ZFHX3: variants seen among roughly 807,000 people sequenced by gnomAD.
ZFHX3 encodes zinc finger homeobox 3.
In ZFHX3, 42 loss-of-function variants were observed where a neutral mutation model predicts 279.1. The observed-to-expected ratio is 0.15, with a 90% confidence interval of 0.12 to 0.19. The LOEUF (loss-of-function observed/expected upper bound fraction) is 0.19. Among genes scored for constraint, ZFHX3 ranks in the 10% least tolerant of loss-of-function variants. The pLI, the probability that ZFHX3 is intolerant of heterozygous loss-of-function variation, is 1.00. For missense variants in ZFHX3, 4,981 were observed against 4,754.0 expected (o/e 1.05, Z -1.40); for synonymous variants, 2,293 against 1,957.8 (o/e 1.17, Z -4.52).
chr16:73,130,796 CA>C (rs1191534140), intron 7 of ZFHX3, among the ~76,000 whole-genome samples: 9 of 152,182 alleles, frequency 5.9e-5, no homozygotes, highest in Middle Eastern at 3.2e-3. Flanking sequence ...TTAGTAGAGA[CA>C]GGGTTTCGCC....
chr16:73,043,477 A>G (rs1965187068), intron 1 of ZFHX3, among the ~76,000 whole-genome samples: 1 of 152,240 alleles, frequency 6.6e-6, no homozygotes, highest in Non-Finnish European at 1.5e-5. Flanking sequence ...TTCTTGTAAA[A>G]GCAAGAAACT....
chr16:73,248,005 G>A (rs111170005), intron 5 of ZFHX3, among the ~76,000 whole-genome samples: 8 of 151,342 alleles, frequency 5.3e-5, no homozygotes, highest in African/African-American at 1.9e-4. Context: ...ATGAGTGTGT[G>A]TATACTATGT....
At chr16:73,473,134 A>T (rs991165749) in intron 2 of ZFHX3, among the ~76,000 whole-genome samples, 23 of 151,696 alleles carry the variant, frequency 1.5e-4, no homozygotes, top group African/African-American at 5.3e-4. Flanking sequence ...TGGGCTTAGG[A>T]TCTCAAGACC....
chr16:73,515,564 G>GAGAA (rs796142792), intron 2 of ZFHX3, among the ~76,000 whole-genome samples: 1 of 151,424 alleles, frequency 6.6e-6, no homozygotes, highest in Non-Finnish European at 1.5e-5. Flanking sequence ...GAGAAAGAGA[G>GAGAA]AGAAAGAAAG....
chr16:72,987,154 C>T (rs1156661745), intron 1 of ZFHX3, among the ~76,000 whole-genome samples: 1 of 152,158 alleles, frequency 6.6e-6, no homozygotes, highest in Non-Finnish European at 1.5e-5. Flanking sequence ...AAGTGAGATC[C>T]TGTCTCAACA....
chr16:73,416,378 A>C (rs77912083), intron 3 of ZFHX3, among the ~76,000 whole-genome samples: 1 of 152,172 alleles, frequency 6.6e-6, no homozygotes, highest in African/African-American at 2.4e-5. Context: ...TGTTGTAGAC[A>C]GTCAGCCCAA....
intron 4 of ZFHX3, among the ~76,000 whole-genome samples, chr16:72,839,512 C>A (rs778059175): frequency 6.6e-6 from 1 of 151,968 alleles, no homozygotes; most frequent in Admixed American, 6.5e-5. Context: ...TCCCCCATCT[C>A]GTTAAAAACA....
intron 2 of ZFHX3, among the ~76,000 whole-genome samples, chr16:73,590,911 G>T (rs1164463138): frequency 6.6e-6 from 1 of 150,530 alleles, no homozygotes; most frequent in African/African-American, 2.4e-5. Context: ...TAATTTTTGG[G>T]AAAAAAAAAT....
At chr16:73,163,310 C>A (rs182597714) in intron 5 of ZFHX3, among the ~76,000 whole-genome samples, 2 of 152,172 alleles carry the variant, frequency 1.3e-5, no homozygotes, top group South Asian at 4.1e-4. Context: ...TTCTGACAGT[C>A]TAATCAGGTA....
intron 2 of ZFHX3, among the ~76,000 whole-genome samples, chr16:73,582,519 G>T (rs1272483963): frequency 6.6e-6 from 1 of 151,846 alleles, no homozygotes. Context: ...TTGTCACCCA[G>T]GCTGGAGTGC....
intron 3 of ZFHX3, among the ~76,000 whole-genome samples, chr16:73,439,504 A>G (rs1320415914): frequency 6.6e-6 from 1 of 152,112 alleles, no homozygotes; most frequent in Non-Finnish European, 1.5e-5. Flanking sequence ...AATGCATACT[A>G]TGCATGAGGG....
chr16:73,543,190 C>T (rs1301007563), intron 2 of ZFHX3, among the ~76,000 whole-genome samples: 4 of 152,196 alleles, frequency 2.6e-5, no homozygotes, highest in African/African-American at 9.7e-5. Flanking sequence ...GAATATTTCT[C>T]ATCATAACTG....
At chr16:73,147,179 G>T (rs1966867518) in intron 5 of ZFHX3, among the ~76,000 whole-genome samples, 1 of 152,138 alleles carries the variant, frequency 6.6e-6, no homozygotes, top group South Asian at 2.1e-4. Context: ...ATGACTCGAG[G>T]TACTACTTCT....
intron 2 of ZFHX3, among the ~76,000 whole-genome samples, chr16:73,607,309 G>A (rs1384931597): frequency 2.6e-5 from 4 of 152,190 alleles, no homozygotes; most frequent in African/African-American, 9.7e-5. Context: ...TTACAGGCGT[G>A]AGCCACCATG....
intron 5 of ZFHX3, among the ~76,000 whole-genome samples, chr16:73,181,162 A>G (rs113598656): frequency 0.18 from 27,358 of 150,876 alleles, 2,638 homozygotes; most frequent in African/African-American, 0.25. Flanking sequence ...GTGCAGTGGT[A>G]TAATCTCGGC....
chr16:73,278,327 C>T (rs1449444224), intron 4 of ZFHX3, among the ~76,000 whole-genome samples: 1 of 152,138 alleles, frequency 6.6e-6, no homozygotes, highest in Non-Finnish European at 1.5e-5. Context: ...TTAATCCCAG[C>T]GTGCATGTTT....
At chr16:73,559,092 A>G (rs1363616290) in intron 2 of ZFHX3, among the ~76,000 whole-genome samples, 2 of 151,542 alleles carry the variant, frequency 1.3e-5, no homozygotes, top group African/African-American at 4.9e-5. Context: ...TCTGTCACCT[A>G]GCTGGAGTGC....
At chr16:73,572,580 C>A (rs899310723) in intron 2 of ZFHX3, among the ~76,000 whole-genome samples, 9 of 152,172 alleles carry the variant, frequency 5.9e-5, no homozygotes, top group Non-Finnish European at 1.3e-4. Flanking sequence ...GTCCACAGAA[C>A]AATCACAACA....
chr16:72,788,542 T>C lies in ZFHX3; in HGVS notation c.9734A>G (p.Lys3245Arg). ...KDSEKVKEKE[K>R]AHKGKGEPLP... Reference sequence around the variant, plus strand: ...GGGTTCCCCTTTCCCTTTGTGTGCCTTTTCCTTCTCCTTTACTTTCTCACT... The same window carrying C: ...GGGTTCCCCTTTCCCTTTGTGTGCCCTTTCCTTCTCCTTTACTTTCTCACT... Residue 3245 changes from lysine (K) to arginine (R), a missense_variant, in exon 10 of 10, where the codon AAG (lysine) becomes AGG (arginine). By Grantham distance (26) the Lys-to-Arg change is conservative. Transcript: ENST00000268489. 6.2e-7 allele frequency: 1 copy of C among 1,614,156 alleles called. No homozygotes were observed.
Sources: allele counts gnomAD v4.1 joint callset (sites outside exome capture counted in the v4.1 genomes callset), GRCh38; gene constraint gnomAD v4.1.1; transcripts MANE v1.5; gene names NCBI Gene and HGNC (gene_info 2026-07-23, HGNC 2026-07-21).